Variants in PPP4R3B observed in about 807,000 individuals in gnomAD.
The protein encoded by PPP4R3B is serine/threonine-protein phosphatase 4 regulatory subunit 3B.
PPP4R3B carries 52 observed loss-of-function variants against 95.4 expected under a neutral mutation model. The ratio of observed to expected loss-of-function variants is 0.54; its 90% CI spans 0.44 to 0.69. The LOEUF (loss-of-function observed/expected upper bound fraction) is 0.69. Among genes scored for constraint, PPP4R3B ranks in the 30% least tolerant of loss-of-function variants. The pLI, the probability that PPP4R3B is intolerant of heterozygous loss-of-function variation, is 0.00. For missense variants in PPP4R3B, 1,003 were observed against 1,005.9 expected (o/e 1.00, Z 0.04); for synonymous variants, 407 against 343.9 (o/e 1.18, Z -2.03).
chr2:55,591,042 T>C (rs1048235251), intron 4 of PPP4R3B, among the ~76,000 whole-genome samples: 3 of 152,214 alleles, frequency 2.0e-5, no homozygotes, highest in Non-Finnish European at 4.4e-5. Flanking sequence ...TCGTATTTCA[T>C]TGACTCCTTT....
chr2:55,612,643 T>G (rs1036272749), intron 2 of PPP4R3B, among the ~76,000 whole-genome samples: 1 of 152,038 alleles, frequency 6.6e-6, no homozygotes. Flanking sequence ...TTACAAATTT[T>G]TTAAAAAATT....
intron 1 of PPP4R3B, among the ~76,000 whole-genome samples, chr2:55,615,819 T>C (rs974547962): frequency 8.1e-6 from 1 of 123,966 alleles, no homozygotes; most frequent in African/African-American, 3.3e-5. Context: ...GATCGCGCCA[T>C]TGAACTCCAG....
At chr2:55,611,220 G>A (rs546105961) in intron 2 of PPP4R3B, among the ~76,000 whole-genome samples, 1 of 151,976 alleles carries the variant, frequency 6.6e-6, no homozygotes, top group East Asian at 1.9e-4. Flanking sequence ...GCTACGCACA[G>A]GCACAATCAT....
intron 5 of PPP4R3B, 59 bp downstream of exon 5, chr2:55,588,820 A>G (rs2104342022): frequency 8.8e-7 from 1 of 1,132,938 alleles, no homozygotes; most frequent in South Asian, 1.7e-5. Flanking sequence ...ATTCAAGATT[A>G]AAAGCTGTGC....
intron 4 of PPP4R3B, among the ~76,000 whole-genome samples, chr2:55,597,108 G>A (rs964163743): frequency 1.3e-5 from 2 of 152,194 alleles, no homozygotes; most frequent in African/African-American, 4.8e-5. Flanking sequence ...TGTTTGGGAT[G>A]ATGAAAAAGT....
At chr2:55,599,093 A>C in intron 3 of PPP4R3B, 54 bp from the exon 4 acceptor site, 1 of 1,472,316 alleles carries the variant, frequency 6.8e-7, no homozygotes, top group Non-Finnish European at 9.1e-7. Flanking sequence ...ATAATTCAAA[A>C]TTTTGGAAAT....
At chr2:55,594,556 T>C (rs1004169611) in intron 4 of PPP4R3B, among the ~76,000 whole-genome samples, 6 of 152,174 alleles carry the variant, frequency 3.9e-5, no homozygotes, top group African/African-American at 1.4e-4. Context: ...GTTCATATAA[T>C]TTATTTTCTG....
chr2:55,556,338 T>G (rs1685843223), intron 16 of PPP4R3B, among the ~76,000 whole-genome samples: 2 of 152,256 alleles, frequency 1.3e-5, no homozygotes, highest in South Asian at 4.1e-4. Context: ...GTGAAAAAGG[T>G]GTTGGTGCTT....
Position 55,568,386 on chromosome 2 carries a change from A to G in PPP4R3B, c.1766-23T>C, listed in dbSNP as rs200361522. On this transcript the variant is annotated intron_variant, in intron 12 of 16. Coordinates refer to ENST00000616407, the MANE Select transcript of PPP4R3B (RefSeq NM_001122964.3). Reference sequence around the variant, plus strand: ...CACCTAATTAAAAATAATATAGGGAATAAGTTAATGATCTTACTAAAATCA... The same window carrying G: ...CACCTAATTAAAAATAATATAGGGAGTAAGTTAATGATCTTACTAAAATCA... 2.6e-6 allele frequency: 4 copies of G among 1,565,234 alleles called. No individual in the cohort carries two copies. The East Asian group carries it at 6.8e-5, about 27-fold the overall frequency.
At chr2:55,550,174 A>C (rs1558926659) in intron 16 of PPP4R3B, among the ~76,000 whole-genome samples, 168 bp from the exon 17 acceptor site, 1 of 152,256 alleles carries the variant, frequency 6.6e-6, no homozygotes, top group African/African-American at 2.4e-5. Context: ...ACGTTTGAGT[A>C]GTAATTGGTA....
At chr2:55,565,244 TC>T (rs1380799666) in intron 13 of PPP4R3B, among the ~76,000 whole-genome samples, 1 of 151,684 alleles carries the variant, frequency 6.6e-6, no homozygotes, top group Admixed American at 6.6e-5. Flanking sequence ...TTTACTGGAG[TC>T]CTTTTATAGG....
At position 55,573,602 on chromosome 2, in the gene PPP4R3B, A is replaced by G. The variant is rs1003881765; in HGVS notation, c.1765+17T>C. On this transcript the variant is annotated intron_variant, in intron 12 of 16. Coordinates refer to ENST00000616407, the MANE Select transcript of PPP4R3B (RefSeq NM_001122964.3). Reference sequence around the variant, plus strand: ...TCTCTATTAAAAATGTTGCTCCTTAAAACATTTTATACTTACACAAGGCCA... The same window carrying G: ...TCTCTATTAAAAATGTTGCTCCTTAGAACATTTTATACTTACACAAGGCCA... The G allele has an allele frequency of 7.2e-6, 11 of 1,522,638 alleles. No homozygotes were observed. The highest frequency in any genetic ancestry group is 9.7e-6 in the Non-Finnish European group (11 of 1,139,182). 94.3% of individuals were successfully genotyped at this position (1,522,638 alleles called of 1,614,324 possible). A position where few individuals can be genotyped will look rare whatever the true frequency, so the allele number is the denominator to read the frequency against.
At chr2:55,550,795 C>G (rs1426707526) in intron 16 of PPP4R3B, among the ~76,000 whole-genome samples, 1 of 152,060 alleles carries the variant, frequency 6.6e-6, no homozygotes, top group East Asian at 1.9e-4. Context: ...TACTTCATAC[C>G]TGAAGTACTG....
At chr2:55,609,714 T>C (rs917038672) in intron 2 of PPP4R3B, among the ~76,000 whole-genome samples, 1 of 151,988 alleles carries the variant, frequency 6.6e-6, no homozygotes, top group African/African-American at 2.4e-5. Context: ...TCCATTTATT[T>C]TACTGTATGT....
intron 3 of PPP4R3B, among the ~76,000 whole-genome samples, chr2:55,601,143 A>C (rs1332769001): frequency 1.5e-4 from 1 of 6,690 alleles, no homozygotes; most frequent in South Asian, 3.5e-3. Context: ...CCATGTCTCA[A>C]AAAAAAAAAA....
intron 10 of PPP4R3B, 135 bp downstream of exon 10, chr2:55,578,112 A>G: frequency 1.1e-6 from 1 of 914,902 alleles, no homozygotes; most frequent in Non-Finnish European, 1.5e-6. Flanking sequence ...AACACTGGAT[A>G]AAAAATATGC....
In PPP4R3B at chr2:55,582,624, C is replaced by T. The variant is rs115040029; in HGVS notation, c.1234-926G>A. On this transcript the variant is annotated intron_variant, in intron 7 of 16. Coordinates refer to ENST00000616407, the MANE Select transcript of PPP4R3B (RefSeq NM_001122964.3). ...ACTATCAGCCAAGTGGTAATCGTGA[C>T]AAAATTACATAAAAATCTTCTACTG... Among the ~76,000 whole-genome samples the T allele has an allele frequency of 1.8e-4, 27 of 152,202 alleles. 1 individual carries two copies. Among genetic ancestry groups the T allele is most frequent in the African/African-American group, 5.3e-4 (22 of 41,542 alleles).
chr2:55,596,857 G>C (rs536561607), intron 4 of PPP4R3B, among the ~76,000 whole-genome samples: 54 of 152,268 alleles, frequency 3.5e-4, no homozygotes, highest in Admixed American at 3.5e-3. Context: ...CCAGCTACTG[G>C]GGAGGCTGAG....
At chr2:55,615,187 A>T in intron 2 of PPP4R3B, 1 of 380,820 alleles carries the variant, frequency 2.6e-6, no homozygotes. Flanking sequence ...AAGGTATAGA[A>T]GAGACTTGGC....
Sources: allele counts gnomAD v4.1 joint callset (sites outside exome capture counted in the v4.1 genomes callset), GRCh38; gene constraint gnomAD v4.1.1; transcripts MANE v1.5; gene names NCBI Gene and HGNC (gene_info 2026-07-23, HGNC 2026-07-21).